The following MID1 variants were observed in gnomAD, a reference collection of about 807,000 sequenced individuals.
MID1 encodes E3 ubiquitin-protein ligase Midline-1.
Under a neutral mutation model 40.4 loss-of-function variants are expected in MID1, and 7 were observed. The observed-to-expected ratio is 0.17, with a 90% CI of 0.10 to 0.33. The LOEUF is 0.33. Ranked by LOEUF, MID1 falls within the 10% of genes least tolerant of loss-of-function variation. MID1 has a pLI of 1.00. For synonymous variants in MID1, 229 were observed against 221.2 expected (o/e 1.04, Z -0.31); for missense variants, 367 against 558.5 (o/e 0.66, Z 3.46).
At chrX:10,796,840 T>A in intron 1 of MID1, among the ~76,000 whole-genome samples, 1 of 111,297 alleles carries the variant, frequency 9.0e-6, no homozygotes, top group South Asian at 3.9e-4. Context: ...ATATCTCCCA[T>A]CAATGAATTC....
At chrX:10,799,066 A>C (rs765643271) in intron 1 of MID1, among the ~76,000 whole-genome samples, 3 of 111,438 alleles carry the variant, frequency 2.7e-5, no homozygotes, top group Non-Finnish European at 5.7e-5. Context: ...CAACCTTCTA[A>C]AATGTCTAAT....
chrX:10,778,015 C>T (rs2043818453), intron 1 of MID1, among the ~76,000 whole-genome samples: 1 of 111,232 alleles, frequency 9.0e-6, no homozygotes, highest in Non-Finnish European at 1.9e-5. Context: ...AAGGACCTGC[C>T]TAAGGCTGTT....
intron 1 of MID1, among the ~76,000 whole-genome samples, chrX:10,766,333 C>T (rs1245872202): frequency 4.5e-5 from 5 of 111,335 alleles, no homozygotes; most frequent in African/African-American, 1.6e-4. Flanking sequence ...ACAGGATAAT[C>T]GCCAAGCCTG....
intron 1 of MID1, among the ~76,000 whole-genome samples, chrX:10,675,573 T>A (rs1754136595): frequency 9.0e-6 from 1 of 111,682 alleles, no homozygotes; most frequent in Non-Finnish European, 1.9e-5. Context: ...GATAATTTGC[T>A]TCAGACTGAA....
intron 1 of MID1, among the ~76,000 whole-genome samples, chrX:10,607,447 A>G (rs1160584262): frequency 1.8e-5 from 2 of 112,048 alleles, no homozygotes; most frequent in Non-Finnish European, 3.8e-5. Context: ...CCCACAAATA[A>G]TTATGAAACC....
At chrX:10,513,843 G>C (rs920278910) in intron 3 of MID1, among the ~76,000 whole-genome samples, 1 of 112,089 alleles carries the variant, frequency 8.9e-6, no homozygotes, top group Non-Finnish European at 1.9e-5. Context: ...ATCACTACCT[G>C]TTCCTATTAT....
At chrX:10,531,536 C>T (rs1932972768) in intron 2 of MID1, among the ~76,000 whole-genome samples, 2 of 112,034 alleles carry the variant, frequency 1.8e-5, no homozygotes, top group Admixed American at 1.9e-4. Flanking sequence ...ATATGTGATA[C>T]AGTGTTTACC....
intron 1 of MID1, among the ~76,000 whole-genome samples, chrX:10,646,555 C>T (rs968493136): frequency 9.0e-6 from 1 of 111,335 alleles, no homozygotes; most frequent in Non-Finnish European, 1.9e-5. Context: ...AAATTTTCGC[C>T]TCCATTTCTG....
intron 1 of MID1, among the ~76,000 whole-genome samples, chrX:10,746,022 C>T (rs1166985015): frequency 9.0e-6 from 1 of 111,711 alleles, no homozygotes; most frequent in Admixed American, 9.5e-5. Flanking sequence ...GAAGAAGAAA[C>T]GATGACTTAA....
intron 2 of MID1, among the ~76,000 whole-genome samples, chrX:10,538,713 GCT>G (rs1933355842): frequency 8.9e-6 from 1 of 111,892 alleles, no homozygotes; most frequent in Admixed American, 9.5e-5. Flanking sequence ...CTCCTTCCAA[GCT>G]CTCAGTTACG....
chrX:10,469,659 C>T, intron 7 of MID1, 38 bp downstream of exon 7: 1 of 1,211,206 alleles, frequency 8.3e-7, no homozygotes, highest in South Asian at 1.8e-5. Flanking sequence ...TGAAGAAAGC[C>T]ACCAAAGACA....
At chrX:10,452,860 A>G (rs1444892522) in intron 9 of MID1, among the ~76,000 whole-genome samples, 1 of 111,914 alleles carries the variant, frequency 8.9e-6, no homozygotes, top group East Asian at 2.8e-4. Context: ...AATTTTGCAA[A>G]CTATTCATCA....
At chrX:10,741,723 T>C (rs2043524577) in intron 1 of MID1, among the ~76,000 whole-genome samples, 2 of 109,842 alleles carry the variant, frequency 1.8e-5, no homozygotes, top group African/African-American at 6.6e-5. Context: ...AAGCAACTTG[T>C]AAACTTGTAA....
At chrX:10,613,887 G>C (rs1314661442) in intron 1 of MID1, among the ~76,000 whole-genome samples, 1 of 105,891 alleles carries the variant, frequency 9.4e-6, no homozygotes, top group Non-Finnish European at 1.9e-5. Context: ...CTCTACTACT[G>C]ATCTATTTAG....
At chrX:10,463,108 G>A (rs1238752663) in intron 7 of MID1, among the ~76,000 whole-genome samples, 3 of 112,057 alleles carry the variant, frequency 2.7e-5, no homozygotes, top group Admixed American at 1.9e-4. Context: ...CGTGGCAAAC[G>A]TTGTAAAATT....
intron 1 of MID1, among the ~76,000 whole-genome samples, chrX:10,586,286 T>C (rs5979329): frequency 0.15 from 16,490 of 111,213 alleles, 2,502 homozygotes; most frequent in African/African-American, 0.46. Flanking sequence ...AAATGAGTCC[T>C]GCGATGAGTT....
intron 1 of MID1, among the ~76,000 whole-genome samples, chrX:10,800,990 A>G (rs997155521): frequency 3.6e-5 from 4 of 111,169 alleles, no homozygotes; most frequent in African/African-American, 9.8e-5. Context: ...CTGGCTGGTT[A>G]GGGGAGCTCT....
At chrX:10,550,021 C>T (rs769615152) in intron 2 of MID1, among the ~76,000 whole-genome samples, 12 of 112,793 alleles carry the variant, frequency 1.1e-4, no homozygotes, top group Admixed American at 3.7e-4. Context: ...AGGATAAAGA[C>T]GCAATGCTAT....
intron 1 of MID1, among the ~76,000 whole-genome samples, chrX:10,596,738 T>G (rs955953584): frequency 8.9e-6 from 1 of 111,985 alleles, no homozygotes; most frequent in Non-Finnish European, 1.9e-5. Context: ...GCTTAAGGAC[T>G]CACCACAGTT....
Sources: gnomAD v4.1 joint callset for allele counts (sites outside exome capture counted in the v4.1 genomes callset) on GRCh38, gnomAD v4.1.1 for gene constraint, MANE v1.5 for transcripts, NCBI Gene and HGNC (gene_info 2026-07-23, HGNC 2026-07-21) for gene names.